The following PRKG1 variants were observed in gnomAD, a reference collection of about 807,000 sequenced individuals.
PRKG1 encodes the protein cGMP-dependent protein kinase 1.
A neutral mutation model predicts 88.1 loss-of-function variants in PRKG1; 35 were observed. The observed-to-expected ratio is 0.40, with a 90% CI of 0.30 to 0.53. The LOEUF (loss-of-function observed/expected upper bound fraction) is 0.53, where lower values mean the gene tolerates loss of function less well. PRKG1 is among the 20% of genes least tolerant of loss of function. PRKG1 has a pLI of 0.59. For missense variants in PRKG1, 540 were observed against 839.8 expected (o/e 0.64, Z 4.41); for synonymous variants, 303 against 292.5 (o/e 1.04, Z -0.37).
intron 1 of PRKG1, among the ~76,000 whole-genome samples, chr10:50,996,104 G>T (rs1842834113): frequency 6.6e-6 from 1 of 152,162 alleles, no homozygotes; most frequent in Non-Finnish European, 1.5e-5. Flanking sequence ...AATACACAAT[G>T]CTATAAAATA....
chr10:51,899,692 T>C (rs530428213), intron 4 of PRKG1, among the ~76,000 whole-genome samples: 1 of 140,852 alleles, frequency 7.1e-6, no homozygotes, highest in East Asian at 2.2e-4. Flanking sequence ...TATATATATA[T>C]ATACAAATTT....
chr10:52,286,677 AT>A lies in PRKG1; in HGVS notation c.1710-2048del, dbSNP rs533427459. 8.5e-5 allele frequency among the ~76,000 whole-genome samples: 13 copies of A among 152,086 alleles called. No homozygotes were observed. The South Asian group carries it at 2.7e-3, about 32-fold the overall frequency. ...TCATTAATAATTAGTAATCTTACATATATTTTATAGTTAAAACATGTCATTA... is the reference window on the plus strand; with the variant it reads ...TCATTAATAATTAGTAATCTTACATAATTTTATAGTTAAAACATGTCATTA... On this transcript the variant is annotated intron_variant, in intron 14 of 17. Coordinates refer to ENST00000373980, the MANE Select transcript of PRKG1 (RefSeq NM_006258.4).
At chr10:52,092,698 A>G (rs1252898449) in intron 7 of PRKG1, among the ~76,000 whole-genome samples, 2 of 152,220 alleles carry the variant, frequency 1.3e-5, no homozygotes, top group Non-Finnish European at 2.9e-5. Context: ...CAATTTAAAT[A>G]TGAAAATATT....
intron 3 of PRKG1, among the ~76,000 whole-genome samples, chr10:51,719,564 T>C (rs928133847): frequency 1.3e-5 from 2 of 152,124 alleles, no homozygotes; most frequent in African/African-American, 4.8e-5. Flanking sequence ...ACTAAGGAGA[T>C]ACAACAGTTA....
chr10:51,527,318 T>C (rs1475053137), intron 3 of PRKG1, among the ~76,000 whole-genome samples: 2 of 151,984 alleles, frequency 1.3e-5, no homozygotes, highest in Non-Finnish European at 2.9e-5. Flanking sequence ...AGCCATAATA[T>C]TAGATTTGAG....
intron 2 of PRKG1, among the ~76,000 whole-genome samples, chr10:51,271,273 T>A (rs1220809138): frequency 6.6e-6 from 1 of 151,646 alleles, no homozygotes; most frequent in East Asian, 1.9e-4. Flanking sequence ...TTTTTTTTTT[T>A]ACAATTCTTT....
At chr10:51,532,771 G>C (rs953944337) in intron 3 of PRKG1, among the ~76,000 whole-genome samples, 1 of 152,182 alleles carries the variant, frequency 6.6e-6, no homozygotes, top group East Asian at 1.9e-4. Context: ...GTTTGAGTCA[G>C]GGATATACAC....
At chr10:51,819,167 G>A (rs771146490) in intron 4 of PRKG1, among the ~76,000 whole-genome samples, 7 of 151,986 alleles carry the variant, frequency 4.6e-5, no homozygotes, top group African/African-American at 1.2e-4. Flanking sequence ...GCTTCCCCTC[G>A]TGGTGGAAGG....
Position 51,969,450 on chromosome 10 carries a change from G to A in PRKG1, c.762+61880G>A, listed in dbSNP as rs973864806. Among the ~76,000 whole-genome samples the A allele has an allele frequency of 1.2e-4, 18 of 152,116 alleles. 1 individual carries two copies. Among genetic ancestry groups the A allele is most frequent in the African/African-American group, 4.1e-4 (17 of 41,428 alleles). On this transcript the variant is annotated intron_variant, in intron 5 of 17. Coordinates refer to ENST00000373980, the MANE Select transcript of PRKG1 (RefSeq NM_006258.4). ...TCTTTTCTGAGAATTATTCCTCAGA[G>A]AATAAGGATATATAACTCAAGCCTT...
Position 52,111,278 on chromosome 10 carries a change from T to G in PRKG1, c.936-22562T>G, listed in dbSNP as rs76318939. 8.5e-3 allele frequency among the ~76,000 whole-genome samples: 1,291 copies of G among 152,300 alleles called. 19 individuals carry two copies. The highest frequency in any genetic ancestry group is 0.029 in the African/African-American group (1,207 of 41,560). On this transcript the variant is annotated intron_variant, in intron 7 of 17. Coordinates refer to ENST00000373980, the MANE Select transcript of PRKG1 (RefSeq NM_006258.4). ...CATCTTCTTTAAATTAAACAATCTATGTACAGCACATGGCACAGTGCCTAG... is the reference window on the plus strand; with the variant it reads ...CATCTTCTTTAAATTAAACAATCTAGGTACAGCACATGGCACAGTGCCTAG...
intron 3 of PRKG1, among the ~76,000 whole-genome samples, chr10:51,525,130 GAGAC>G (rs1841844224): frequency 6.6e-6 from 1 of 151,596 alleles, no homozygotes; most frequent in Non-Finnish European, 1.5e-5. Context: ...GAGAGAGACA[GAGAC>G]AGAGAGAGAG....
chr10:51,301,520 A>G (rs1589333607), intron 2 of PRKG1, among the ~76,000 whole-genome samples: 1 of 152,232 alleles, frequency 6.6e-6, no homozygotes, highest in Non-Finnish European at 1.5e-5. Flanking sequence ...CAAAATGTGC[A>G]GAGAATTGGC....
intron 7 of PRKG1, among the ~76,000 whole-genome samples, chr10:52,093,179 G>A (rs1263916603): frequency 2.0e-5 from 3 of 152,068 alleles, no homozygotes; most frequent in Non-Finnish European, 2.9e-5. Flanking sequence ...ATATTATATT[G>A]GAACATAAAG....
At chr10:51,930,841 A>G (rs1458840077) in intron 5 of PRKG1, among the ~76,000 whole-genome samples, 1 of 152,166 alleles carries the variant, frequency 6.6e-6, no homozygotes, top group Non-Finnish European at 1.5e-5. Flanking sequence ...AGTTTTCATT[A>G]TGTTTTGTTT....
intron 1 of PRKG1, chr10:51,148,408 T>C (rs1845990493): frequency 3.5e-6 from 1 of 288,512 alleles, no homozygotes; most frequent in Non-Finnish European, 5.2e-6. Flanking sequence ...TTGCTTTCGC[T>C]GATTTCCATT....
At position 51,783,265 on chromosome 10, in the gene PRKG1, T is replaced by C. The variant is rs1335372282; in HGVS notation, c.593-21320T>C. On this transcript the variant is annotated intron_variant, in intron 3 of 17. Coordinates refer to ENST00000373980, the MANE Select transcript of PRKG1 (RefSeq NM_006258.4). ...AGCTTATTCATTTTCCTTAGACCAA[T>C]GGCTCTTTTTAAAAATATTTATTTA... 2.0e-5 allele frequency among the ~76,000 whole-genome samples: 3 copies of C among 152,190 alleles called. No individual in the cohort carries two copies. In the East Asian group the frequency reaches 5.8e-4, roughly 30 times the overall value.
rs369844547 is a variant in PRKG1 at position 51,139,223 on chromosome 10, G to A, written c.312-13941G>A. Among the ~76,000 whole-genome samples, 15 of 152,210 alleles carry A rather than the reference G, an allele frequency of 9.9e-5. No homozygotes were observed. In the East Asian group the frequency reaches 1.5e-3, roughly 16 times the overall value. ...TCTGAGAAATAAGACCATGATAAAC[G>A]CATTTTTAAATGATTTTTAAAAACT... On this transcript the variant is annotated intron_variant, in intron 1 of 17. Coordinates refer to ENST00000373980, the MANE Select transcript of PRKG1 (RefSeq NM_006258.4).
In PRKG1 at chr10:51,992,275, G is replaced by A. The variant is rs148313230; in HGVS notation, c.763-62209G>A. Among the ~76,000 whole-genome samples, 15 of 152,140 alleles carry A rather than the reference G, an allele frequency of 9.9e-5. No homozygotes were observed. In the East Asian group the frequency reaches 1.7e-3, roughly 18 times the overall value. The stretch of plus-strand genomic sequence containing the variant: ...ACAGAAGTGTGAGTATAGAAAATGT[G>A]CACACAGAGAAGGATTATAAATTTC... On this transcript the variant is annotated intron_variant, in intron 5 of 17. Transcript: ENST00000373980.
chr10:51,315,279 C>T (rs905015251), intron 2 of PRKG1, among the ~76,000 whole-genome samples: 3 of 152,104 alleles, frequency 2.0e-5, no homozygotes, highest in Admixed American at 2.0e-4. Flanking sequence ...ATGGCCTTGA[C>T]TTTAGAAGTG....
Sources: gnomAD v4.1 joint callset for allele counts (sites outside exome capture counted in the v4.1 genomes callset) on GRCh38, gnomAD v4.1.1 for gene constraint, MANE v1.5 for transcripts, NCBI Gene and HGNC (gene_info 2026-07-23, HGNC 2026-07-21) for gene names.